Variants in CNTN3 observed in about 807,000 individuals in gnomAD.
CNTN3 encodes the protein contactin 3.
A neutral mutation model predicts 119.1 loss-of-function variants in CNTN3; 60 were observed. The observed-to-expected ratio is 0.50, with a 90% CI of 0.41 to 0.62. The LOEUF (loss-of-function observed/expected upper bound fraction) is 0.62. Ranked by LOEUF, CNTN3 falls within the 20% of genes least tolerant of loss-of-function variation. The probability of loss-of-function intolerance (pLI) is 0.00; values close to 1 mark genes in which losing one functional copy is unlikely to be tolerated. For synonymous variants in CNTN3, 450 were observed against 438.7 expected (o/e 1.03, Z -0.32); for missense variants, 1,101 against 1,242.4 (o/e 0.89, Z 1.71).
chr3:74,613,850 CA>C (rs1381549392), intron 1 of CNTN3, among the ~76,000 whole-genome samples: 1 of 152,166 alleles, frequency 6.6e-6, no homozygotes, highest in Non-Finnish European at 1.5e-5. Flanking sequence ...GTAAACCTGA[CA>C]AATAAACGCG....
intron 4 of CNTN3, among the ~76,000 whole-genome samples, chr3:74,439,556 A>G (rs1433618075): frequency 6.6e-6 from 1 of 152,196 alleles, no homozygotes; most frequent in Non-Finnish European, 1.5e-5. Flanking sequence ...GAAATGGGCA[A>G]TACTGATATT....
chr3:74,324,867 G>A (rs1703090358), intron 13 of CNTN3, among the ~76,000 whole-genome samples: 1 of 152,158 alleles, frequency 6.6e-6, no homozygotes, highest in Admixed American at 6.5e-5. Flanking sequence ...TCTGTGAAAG[G>A]TGGAGCCTGT....
At chr3:74,443,696 A>C (rs574186108) in intron 4 of CNTN3, among the ~76,000 whole-genome samples, 5 of 152,124 alleles carry the variant, frequency 3.3e-5, no homozygotes, top group African/African-American at 1.2e-4. Flanking sequence ...CTGGCTAACT[A>C]CTATTAATCC....
chr3:74,604,860 G>A (rs79132301), intron 1 of CNTN3, among the ~76,000 whole-genome samples: 3,903 of 152,208 alleles, frequency 0.026, 77 homozygotes, highest in South Asian at 0.041. Context: ...TGTGTTCATC[G>A]CAGCATTATT....
chr3:74,381,086 T>TCTCA (rs1553652579), intron 5 of CNTN3, among the ~76,000 whole-genome samples: 11 of 144,858 alleles, frequency 7.6e-5, no homozygotes, highest in South Asian at 2.3e-4. Flanking sequence ...TCTCTCTCTC[T>TCTCA]CACACACACA....
rs758474423 is a variant in CNTN3 at position 74,464,657 on chromosome 3, G to C, written c.358+21799C>G. 6.6e-5 allele frequency among the ~76,000 whole-genome samples: 10 copies of C among 152,160 alleles called. No homozygotes were observed. The East Asian group carries it at 9.6e-4, about 15-fold the overall frequency. On this transcript the variant is annotated intron_variant, in intron 4 of 22. Coordinates refer to ENST00000263665, the MANE Select transcript of CNTN3 (RefSeq NM_020872.3). ...ACAGAAAAAAAATCCATATTATATAGTTATGAGTTTGTGGCATAATATTTT... is the reference window on the plus strand; with the variant it reads ...ACAGAAAAAAAATCCATATTATATACTTATGAGTTTGTGGCATAATATTTT...
In CNTN3 at chr3:74,334,898, A is replaced by T; in HGVS notation, c.1505T>A (p.Ile502Lys). Residue 502 changes from isoleucine (I) to lysine (K), a missense_variant, in exon 13 of 23, where the codon ATA (isoleucine) becomes AAA (lysine). Coordinates refer to ENST00000263665, the MANE Select transcript of CNTN3 (RefSeq NM_020872.3). ...THLVVTEPTR[I>K]TLAPSNMDVS... ...ATCCATGTTAGATGGTGCCAAAGTT[A>T]TTCTTGTTGGTTCTATTGGGGAAAT... 6.2e-7 allele frequency: 1 copy of T among 1,608,498 alleles called. No homozygotes were observed. The highest frequency in any genetic ancestry group is 1.1e-5 in the South Asian group (1 of 89,474).
At chr3:74,302,280 A>G (rs1702476139) in intron 14 of CNTN3, among the ~76,000 whole-genome samples, 1 of 152,166 alleles carries the variant, frequency 6.6e-6, no homozygotes, top group Non-Finnish European at 1.5e-5. Flanking sequence ...CAGGTTGGCA[A>G]ATTTTCTCAG....
intron 4 of CNTN3, among the ~76,000 whole-genome samples, chr3:74,431,377 C>A (rs533560928): frequency 6.6e-6 from 1 of 152,138 alleles, no homozygotes; most frequent in Non-Finnish European, 1.5e-5. Context: ...TGTGAAATAC[C>A]ACTTGGTATA....
intron 4 of CNTN3, among the ~76,000 whole-genome samples, chr3:74,467,269 C>T (rs549367224): frequency 6.6e-6 from 1 of 151,928 alleles, no homozygotes; most frequent in South Asian, 2.1e-4. Flanking sequence ...AGTTATTTTA[C>T]CAAATGCAGA....
chr3:74,276,468 A>C (rs2106762666), intron 20 of CNTN3, among the ~76,000 whole-genome samples: 1 of 152,306 alleles, frequency 6.6e-6, no homozygotes, highest in African/African-American at 2.4e-5. Context: ...ATAAAACTGG[A>C]AATCAATTCC....
At chr3:74,470,425 G>A (rs536187081) in intron 4 of CNTN3, among the ~76,000 whole-genome samples, 2 of 152,222 alleles carry the variant, frequency 1.3e-5, no homozygotes, top group East Asian at 3.9e-4. Flanking sequence ...CTAGCAGCAG[G>A]ACCATAGTCA....
intron 4 of CNTN3, among the ~76,000 whole-genome samples, chr3:74,453,494 GT>G (rs1196224819): frequency 1.3e-5 from 2 of 151,970 alleles, no homozygotes; most frequent in East Asian, 3.9e-4. Context: ...TTTTTGAAGG[GT>G]TTTTTGTGTC....
chr3:74,395,173 A>G (rs1705014809), intron 5 of CNTN3, among the ~76,000 whole-genome samples: 1 of 152,180 alleles, frequency 6.6e-6, no homozygotes, highest in Admixed American at 6.5e-5. Flanking sequence ...GGACAGGAAC[A>G]TCATCTTCCT....
At position 74,509,069 on chromosome 3, in the gene CNTN3, C is replaced by T. The variant is rs544108803; in HGVS notation, c.56-9284G>A. On this transcript the variant is annotated intron_variant, in intron 2 of 22. Transcript: ENST00000263665. ...GTGTATTGCCAAAAATGTTGGCAAA[C>T]AAAAACATATTTTATTTTGTTTTCA... is the stretch of plus-strand genomic sequence containing the variant. Among the ~76,000 whole-genome samples the T allele has an allele frequency of 3.3e-5, 5 of 152,190 alleles. No homozygotes were observed. The South Asian group carries it at 6.2e-4, about 19-fold the overall frequency.
At chr3:74,357,080 TA>T (rs1259220125) in intron 11 of CNTN3, among the ~76,000 whole-genome samples, 1 of 151,118 alleles carries the variant, frequency 6.6e-6, no homozygotes, top group Non-Finnish European at 1.5e-5. Flanking sequence ...CATGCCACCA[TA>T]CCCAGCTAAT....
chr3:74,512,109 G>C (rs1038492373), intron 2 of CNTN3, among the ~76,000 whole-genome samples: 2 of 152,120 alleles, frequency 1.3e-5, no homozygotes, highest in African/African-American at 2.4e-5. Flanking sequence ...CATTGCAGCA[G>C]TGGCAATGCA....
At chr3:74,335,764 A>C (rs1178865506) in intron 12 of CNTN3, among the ~76,000 whole-genome samples, 2 of 152,084 alleles carry the variant, frequency 1.3e-5, no homozygotes, top group Non-Finnish European at 2.9e-5. Context: ...AATCCAACTG[A>C]AATAATTCCT....
In CNTN3 at chr3:74,332,334, T is replaced by A. The variant is rs191836077; in HGVS notation, c.1668+2401A>T. 2.6e-3 allele frequency among the ~76,000 whole-genome samples: 403 copies of A among 152,314 alleles called. 3 individuals carry two copies. The highest frequency in any genetic ancestry group is 9.4e-3 in the African/African-American group (392 of 41,552). ...TAATGTCATCTTGTATGGCTTACTGTTTTATACTGATGGGAGAATATTAAG... is the reference window on the plus strand; with the variant it reads ...TAATGTCATCTTGTATGGCTTACTGATTTATACTGATGGGAGAATATTAAG... On this transcript the variant is annotated intron_variant, in intron 13 of 22. Transcript: ENST00000263665.
Sources: gnomAD v4.1 joint callset for allele counts (sites outside exome capture counted in the v4.1 genomes callset) on GRCh38, gnomAD v4.1.1 for gene constraint, MANE v1.5 for transcripts, NCBI Gene and HGNC (gene_info 2026-07-23, HGNC 2026-07-21) for gene names.